CHCHD6: variants seen among roughly 807,000 people sequenced by gnomAD.
CHCHD6 encodes MICOS complex subunit MIC25.
CHCHD6 carries 28 observed loss-of-function variants against 32.3 expected under a neutral mutation model. The observed-to-expected ratio is 0.87, with a 90% CI of 0.64 to 1.19. The LOEUF is 1.19. Among genes scored for constraint, CHCHD6 ranks in the 50% most tolerant of loss-of-function variants. CHCHD6 has a pLI of 0.00. For synonymous variants in CHCHD6, 122 were observed against 117.5 expected, an observed-to-expected ratio of 1.04 and a Z score of -0.25; for missense variants, 333 against 307.0, an observed-to-expected ratio of 1.08 and a Z score of -0.63.
chr3:126,863,737 A>G (rs1417501164), intron 5 of CHCHD6, among the ~76,000 whole-genome samples: 4 of 146,412 alleles, frequency 2.7e-5, no homozygotes, highest in African/African-American at 1.0e-4. Context: ...CTCCTCCTCC[A>G]TCACCACCTC....
chr3:126,806,799 A>G (rs1435110917), intron 4 of CHCHD6, among the ~76,000 whole-genome samples: 1 of 152,096 alleles, frequency 6.6e-6, no homozygotes, highest in Non-Finnish European at 1.5e-5. Context: ...GAACCAACCC[A>G]AATGTCCAAC....
At chr3:126,808,597 A>G (rs535403675) in intron 4 of CHCHD6, among the ~76,000 whole-genome samples, 26 of 152,344 alleles carry the variant, frequency 1.7e-4, no homozygotes, top group Admixed American at 1.0e-3. Flanking sequence ...CCATTCCTGA[A>G]GAACTGAGGG....
chr3:126,794,427 T>C (rs1307477515), intron 4 of CHCHD6, among the ~76,000 whole-genome samples: 1 of 148,558 alleles, frequency 6.7e-6, no homozygotes, highest in Non-Finnish European at 1.5e-5. Context: ...TATATTTATA[T>C]ATATACATAT....
At chr3:126,845,554 T>C (rs974668571) in intron 4 of CHCHD6, among the ~76,000 whole-genome samples, 1 of 152,212 alleles carries the variant, frequency 6.6e-6, no homozygotes, top group Non-Finnish European at 1.5e-5. Context: ...TGCCCCACTT[T>C]TCTCTTCTAC....
At chr3:126,860,976 C>T (rs1470349072) in intron 5 of CHCHD6, among the ~76,000 whole-genome samples, 3 of 152,066 alleles carry the variant, frequency 2.0e-5, no homozygotes, top group Non-Finnish European at 4.4e-5. Flanking sequence ...GAGAGGGAAC[C>T]GAGTTTGAAT....
chr3:126,716,588 G>A (rs75092207), intron 1 of CHCHD6, among the ~76,000 whole-genome samples: 1,808 of 152,038 alleles, frequency 0.012, 18 homozygotes, highest in Middle Eastern at 0.048. Context: ...ATGGACCCAG[G>A]CCTCTAATAA....
rs542900317 is a variant in CHCHD6 at position 126,946,599 on chromosome 3, T to A, written c.567-10817T>A. On this transcript the variant is annotated intron_variant, in intron 6 of 7. Transcript: ENST00000290913. ...CATCCTGCAGTTGATAGCAATCCCG[T>A]GTGGCGTGTTGATCGATGGCAGGAC... Among the ~76,000 whole-genome samples, 7 of 152,306 alleles carry A rather than the reference T, an allele frequency of 4.6e-5. No individual in the cohort carries two copies. The East Asian group carries it at 1.4e-3, about 29-fold the overall frequency.
intron 4 of CHCHD6, among the ~76,000 whole-genome samples, chr3:126,842,540 T>G (rs1350472245): frequency 4.6e-5 from 7 of 152,226 alleles, no homozygotes. Flanking sequence ...TTCGTAGTCC[T>G]GCTCTTGTGT....
intron 4 of CHCHD6, among the ~76,000 whole-genome samples, chr3:126,780,118 G>A (rs1057031797): frequency 6.6e-6 from 1 of 152,166 alleles, no homozygotes; most frequent in Non-Finnish European, 1.5e-5. Context: ...TCAGTGTGAT[G>A]CATCTGTGTT....
intron 5 of CHCHD6, among the ~76,000 whole-genome samples, chr3:126,892,135 T>C (rs749527736): frequency 3.3e-5 from 5 of 152,158 alleles, no homozygotes; most frequent in Non-Finnish European, 7.4e-5. Flanking sequence ...GGATCCTCTG[T>C]GCCTACTACA....
At position 126,826,063 on chromosome 3, in the gene CHCHD6, G is replaced by A. The variant is rs565057705; in HGVS notation, c.412-26584G>A. Among the ~76,000 whole-genome samples, 10 of 152,324 alleles carry A rather than the reference G, an allele frequency of 6.6e-5. No homozygotes were observed. In the South Asian group the frequency reaches 2.1e-3, roughly 32 times the overall value. On this transcript the variant is annotated intron_variant, in intron 4 of 7. Coordinates refer to ENST00000290913, the MANE Select transcript of CHCHD6 (RefSeq NM_032343.3). ...ACCTGCTAATAAAAATACTCAAGAA[G>A]TAATCTCCACAGAAACTTCCCCCTT...
At chr3:126,893,691 A>ACC (rs1245415163) in intron 5 of CHCHD6, among the ~76,000 whole-genome samples, 1 of 152,114 alleles carries the variant, frequency 6.6e-6, no homozygotes, top group Non-Finnish European at 1.5e-5. Context: ...GAAACACTGA[A>ACC]CCCCCGCTAA....
chr3:126,736,055 A>G (rs1230478565), intron 4 of CHCHD6, among the ~76,000 whole-genome samples: 3 of 152,204 alleles, frequency 2.0e-5, no homozygotes, highest in Admixed American at 6.5e-5. Flanking sequence ...CATTGCTTCT[A>G]AAGAAGGGGG....
intron 4 of CHCHD6, among the ~76,000 whole-genome samples, chr3:126,800,512 A>G (rs1356295525): frequency 6.6e-6 from 1 of 152,204 alleles, no homozygotes; most frequent in African/African-American, 2.4e-5. Flanking sequence ...AGTGGGGTTC[A>G]GGTGGAGTAG....
Position 126,957,569 on chromosome 3 carries a change from TC to T in CHCHD6, c.702+21del. The T allele has an allele frequency of 6.4e-7, 1 of 1,554,508 alleles. No homozygotes were observed. The highest frequency in any genetic ancestry group is 8.7e-7 in the Non-Finnish European group (1 of 1,149,260). On this transcript the variant is annotated intron_variant, in intron 7 of 7. Transcript: ENST00000290913. ...CCCACAAGGTAAGGCCTTGCCTGCC[TC>T]CCAGGTTTCCAAGGGCCTTGGGAGG...
chr3:126,732,950 T>A (rs971767316), intron 3 of CHCHD6, 128 bp from the exon 4 acceptor site: 7 of 1,029,180 alleles, frequency 6.8e-6, no homozygotes, highest in Non-Finnish European at 1.0e-5. Flanking sequence ...CTCTCTCCTT[T>A]CCTGACCAGC....
chr3:126,862,386 C>T (rs1398002294), intron 5 of CHCHD6, among the ~76,000 whole-genome samples: 1 of 141,542 alleles, frequency 7.1e-6, no homozygotes, highest in Admixed American at 6.9e-5. Flanking sequence ...TCACCACCTC[C>T]TCCTCCTCTA....
At chr3:126,851,527 A>ACAACAAGCAGTTGGTGTTATT (rs1941473509) in intron 4 of CHCHD6, among the ~76,000 whole-genome samples, 1 of 152,212 alleles carries the variant, frequency 6.6e-6, no homozygotes. Flanking sequence ...ATAGGGACAG[A>ACAACAAGCAGTTGGTGTTATT]CAACAAGCAG....
Position 126,914,664 on chromosome 3 carries a change from G to GT in CHCHD6, c.496-11dup. ...ATTTCAGTCTTTGGTAACCAATTCTGTTTTTCTCCTTGTAGAATGCTGAGA... is the reference window on the plus strand; with the variant it reads ...ATTTCAGTCTTTGGTAACCAATTCTGTTTTTTCTCCTTGTAGAATGCTGAGA... On this transcript the variant is annotated splice_polypyrimidine_tract_variant and intron_variant, in intron 5 of 7. Transcript: ENST00000290913. The GT allele has an allele frequency of 6.6e-7, 1 of 1,515,336 alleles. No homozygotes were observed. The highest frequency in any genetic ancestry group is 9.2e-7 in the Non-Finnish European group (1 of 1,090,318). 93.9% of individuals were successfully genotyped at this position (1,515,336 alleles called of 1,614,324 possible).
Sources: allele counts gnomAD v4.1 joint callset (sites outside exome capture counted in the v4.1 genomes callset), GRCh38; gene constraint gnomAD v4.1.1; transcripts MANE v1.5; gene names NCBI Gene and HGNC (gene_info 2026-07-23, HGNC 2026-07-21).